Variants in SEC31A observed in about 807,000 individuals in gnomAD.
The protein encoded by SEC31A is SEC31 homolog A, COPII component, also known as protein transport protein Sec31A.
SEC31A carries 70 observed loss-of-function variants against 151.0 expected under a neutral mutation model. The ratio of observed to expected loss-of-function variants is 0.46; its 90% confidence interval spans 0.38 to 0.57. The LOEUF is 0.57. Ranked by LOEUF, SEC31A falls within the 20% of genes least tolerant of loss-of-function variation. The pLI, the probability that SEC31A is intolerant of heterozygous loss-of-function variation, is 0.00. For missense variants in SEC31A, 1,330 were observed against 1,471.2 expected (o/e 0.90, Z 1.57); for synonymous variants, 475 against 505.9 (o/e 0.94, Z 0.82).
chr4:82,868,324 C>T (rs185312322), intron 8 of SEC31A, among the ~76,000 whole-genome samples: 14 of 151,778 alleles, frequency 9.2e-5, no homozygotes, highest in Non-Finnish European at 1.5e-4. Flanking sequence ...CATGGCAAAA[C>T]CCCATCTCTA....
chr4:82,881,746 C>T (rs1363452888), intron 2 of SEC31A, 112 bp downstream of exon 2: 1 of 779,784 alleles, frequency 1.3e-6, no homozygotes, highest in Non-Finnish European at 2.2e-6. Flanking sequence ...ATGTCAGTAA[C>T]TTGCCAGGGA....
At chr4:82,832,676 A>C (rs1438072794) in intron 22 of SEC31A, among the ~76,000 whole-genome samples, 1 of 152,258 alleles carries the variant, frequency 6.6e-6, no homozygotes, top group East Asian at 1.9e-4. Flanking sequence ...ACTAATATCC[A>C]GAATCTACAA....
At position 82,849,625 on chromosome 4, in the gene SEC31A, A is replaced by AC. The variant is rs1206497108; in HGVS notation, c.2329-649_2329-648insG. On this transcript the variant is annotated intron_variant, in intron 19 of 26. Coordinates refer to ENST00000395310, the MANE Select transcript of SEC31A (RefSeq NM_001077207.4). Reference sequence around the variant, plus strand: ...CAAGAATCCGTCTCAAAAAAAAAAAAAAAAAACTATAACTAAAAGAGGCCA... The same window carrying AC: ...CAAGAATCCGTCTCAAAAAAAAAAAACAAAAAACTATAACTAAAAGAGGCCA... Among the ~76,000 whole-genome samples, 11 of 151,504 alleles carry AC rather than the reference A, an allele frequency of 7.3e-5. No individual in the cohort carries two copies. The East Asian group carries it at 1.7e-3, about 24-fold the overall frequency.
At chr4:82,823,674 A>C (rs1723914364) in intron 25 of SEC31A, among the ~76,000 whole-genome samples, 1 of 152,252 alleles carries the variant, frequency 6.6e-6, no homozygotes, top group Non-Finnish European at 1.5e-5. Flanking sequence ...TATCTTAAGT[A>C]AACTAAGTAA....
chr4:82,849,433 T>G (rs1296976331), intron 19 of SEC31A, among the ~76,000 whole-genome samples: 1 of 151,804 alleles, frequency 6.6e-6, no homozygotes, highest in East Asian at 1.9e-4. Flanking sequence ...GCTAACACGG[T>G]GAAACCCCAT....
upstream of SEC31A, chr4:82,891,302 G>T: frequency 1.0e-6 from 1 of 966,006 alleles, no homozygotes. Context: ...GCACTTCCGG[G>T]ACCGGCGGTA....
intron 12 of SEC31A, among the ~76,000 whole-genome samples, chr4:82,862,896 AT>A (rs1165139712): frequency 1.3e-5 from 2 of 152,248 alleles, no homozygotes; most frequent in African/African-American, 4.8e-5. Context: ...AAAGTTAAAT[AT>A]AAAACTCTAA....
At position 82,859,245 on chromosome 4, in the gene SEC31A, C is replaced by T. The variant is rs562598869; in HGVS notation, c.1627-1481G>A. Among the ~76,000 whole-genome samples, 8 of 152,176 alleles carry T rather than the reference C, an allele frequency of 5.3e-5. No individual in the cohort carries two copies. In the East Asian group the frequency reaches 1.2e-3, roughly 22 times the overall value. On this transcript the variant is annotated intron_variant, in intron 14 of 26. Transcript: ENST00000395310. ...TTACTCAAATTAGTCATACCTGGAA[C>T]AGTGGGTTAGTCTGGTAAAAATATA...
intron 22 of SEC31A, among the ~76,000 whole-genome samples, chr4:82,838,747 G>C (rs995571892): frequency 6.6e-6 from 1 of 152,022 alleles, no homozygotes; most frequent in African/African-American, 2.4e-5. Context: ...TCTCTGTCTG[G>C]GATAATTCTG....
intron 3 of SEC31A, chr4:82,880,579 ATT>A (rs1491035562): frequency 5.1e-5 from 15 of 295,348 alleles, no homozygotes; most frequent in East Asian, 1.2e-4. Flanking sequence ...ATGAAGTAAG[ATT>A]CTGTCTCAAA....
upstream of SEC31A, chr4:82,891,391 T>C (rs1719740454): frequency 1.7e-6 from 1 of 593,848 alleles, no homozygotes; most frequent in Non-Finnish European, 3.0e-6. Flanking sequence ...GAAACCCTTT[T>C]CTGAGGGGCG....
intron 14 of SEC31A, among the ~76,000 whole-genome samples, chr4:82,860,728 G>GC (rs1282269607): frequency 6.6e-6 from 1 of 151,956 alleles, no homozygotes; most frequent in Non-Finnish European, 1.5e-5. Flanking sequence ...TCCCACCTTG[G>GC]CCTCCCAAAG....
intron 1 of SEC31A, among the ~76,000 whole-genome samples, chr4:82,883,049 G>A (rs952601994): frequency 1.2e-4 from 19 of 152,242 alleles, no homozygotes; most frequent in Admixed American, 1.2e-3. Context: ...GAACCCAGGT[G>A]GTGAAGGTTA....
chr4:82,850,721 T>C (rs1327319668), intron 19 of SEC31A, among the ~76,000 whole-genome samples: 1 of 152,136 alleles, frequency 6.6e-6, no homozygotes, highest in Non-Finnish European at 1.5e-5. Flanking sequence ...CTTTGTTGGG[T>C]TCCACAGCAC....
chr4:82,855,151 T>A (rs1285858692), intron 16 of SEC31A, 122 bp from the exon 17 acceptor site: 32 of 762,924 alleles, frequency 4.2e-5, no homozygotes, highest in Non-Finnish European at 6.0e-5. Context: ...AAGTATAATT[T>A]TGAATCAAAT....
intron 14 of SEC31A, among the ~76,000 whole-genome samples, chr4:82,861,069 TA>T (rs57273848): frequency 0.29 from 41,011 of 142,894 alleles, 6,612 homozygotes; most frequent in East Asian, 0.49. Context: ...CATTAGTGGT[TA>T]AAAAAAAAAA....
rs1729597090 is a variant in SEC31A at position 82,844,354 on chromosome 4, C to T, written c.2626+32G>A. On this transcript the variant is annotated intron_variant, in intron 21 of 26. Transcript: ENST00000395310. ...TTACTAAATTAGATCATAAATACTG[C>T]TCTGAAAGGACTTTGGGGTCACACT... The T allele has an allele frequency of 2.5e-6, 4 of 1,605,398 alleles. No individual in the cohort carries two copies. The East Asian group carries it at 9.0e-5, about 36-fold the overall frequency.
chr4:82,842,199 G>A lies in SEC31A; in HGVS notation c.2909C>T (p.Pro970Leu). 2 of 1,604,146 alleles carry A rather than the reference G, an allele frequency of 1.2e-6. No homozygotes were observed. Among genetic ancestry groups the A allele is most frequent in the South Asian group, 1.1e-5 (1 of 89,874 alleles). The change falls in exon 22 of 27, where the codon CCT becomes CTT. Residue 970 changes from proline to leucine, a missense_variant. Pro to Leu is a moderately conservative substitution (Grantham distance 98). Transcript: ENST00000395310. ...AGGCAGTGTACCTGTTGTTCCAGGA[G>A]GCAGTGCATAAGCTGAAGATGATGG... is the stretch of plus-strand genomic sequence containing the variant. The part of the protein sequence containing the change: ...APPSSSAYAL[P>L]PGTTGTLPAA...
intron 1 of SEC31A, among the ~76,000 whole-genome samples, chr4:82,888,372 A>C (rs1428861369): frequency 0.3 from 12,602 of 41,734 alleles, 1,311 homozygotes; most frequent in East Asian, 0.47. Context: ...AAAAAAAAAA[A>C]ACACACAAAA....
Sources: allele counts gnomAD v4.1 joint callset (sites outside exome capture counted in the v4.1 genomes callset), GRCh38; gene constraint gnomAD v4.1.1; transcripts MANE v1.5; gene names NCBI Gene and HGNC (gene_info 2026-07-23, HGNC 2026-07-21).